Variants in RPH3A observed in about 807,000 individuals in gnomAD.
The protein encoded by RPH3A is rabphilin 3A.
RPH3A carries 48 observed loss-of-function variants against 102.2 expected under a neutral mutation model. That is an observed-to-expected ratio of 0.47 (90% CI 0.37 to 0.60). The LOEUF (loss-of-function observed/expected upper bound fraction) is 0.60. Among genes scored for constraint, RPH3A ranks in the 20% least tolerant of loss-of-function variants. RPH3A has a pLI of 0.00. For synonymous variants in RPH3A, 310 were observed against 324.3 expected (o/e 0.96, Z 0.47); for missense variants, 781 against 910.1 (o/e 0.86, Z 1.83).
At chr12:112,698,821 C>CTCCTGCTTCTCCTTCCCCTTT (rs2040370546) in intron 1 of RPH3A, among the ~76,000 whole-genome samples, 2 of 151,978 alleles carry the variant, frequency 1.3e-5, no homozygotes, top group Non-Finnish European at 2.9e-5. Flanking sequence ...CCTTCTCCTT[C>CTCCTGCTTCTCCTTCCCCTTT]TCCTACTTCT....
At chr12:112,764,136 T>G (rs562702975) in intron 1 of RPH3A, among the ~76,000 whole-genome samples, 88 of 152,316 alleles carry the variant, frequency 5.8e-4, no homozygotes, top group African/African-American at 2.0e-3. Context: ...TTGCTAAAAA[T>G]CACTGGCATG....
chr12:112,861,752 G>A (rs940520806), intron 5 of RPH3A, among the ~76,000 whole-genome samples: 2 of 152,182 alleles, frequency 1.3e-5, no homozygotes, highest in Non-Finnish European at 1.5e-5. Flanking sequence ...AGTGGCTCAC[G>A]CCTGTAATCC....
chr12:112,691,994 TA>T (rs1335252913), intron 1 of RPH3A, among the ~76,000 whole-genome samples: 2 of 152,106 alleles, frequency 1.3e-5, no homozygotes, highest in Non-Finnish European at 2.9e-5. Flanking sequence ...TACTCAGCCA[TA>T]AAAAGGAATG....
At chr12:112,748,544 G>A (rs977943066) in intron 1 of RPH3A, among the ~76,000 whole-genome samples, 5 of 152,080 alleles carry the variant, frequency 3.3e-5, no homozygotes, top group Admixed American at 6.5e-5. Context: ...TATATTGCTC[G>A]GGCTGGTCTT....
chr12:112,757,116 C>T lies in RPH3A; in HGVS notation c.-139-35027C>T, dbSNP rs114636446. On this transcript the variant is annotated intron_variant, in intron 1 of 21. Transcript: ENST00000543106. ...TATTGATTCCCTCAATACATATTTG[C>T]TGAATAGACAAATGAATGAAATAAA... Among the ~76,000 whole-genome samples the T allele has an allele frequency of 4.8e-3, 728 of 152,216 alleles. 6 individuals carry two copies. Among genetic ancestry groups the T allele is most frequent in the African/African-American group, 0.016 (684 of 41,526 alleles).
At chr12:112,837,937 A>C (rs2042081492) in intron 4 of RPH3A, 2 of 417,202 alleles carry the variant, frequency 4.8e-6, no homozygotes, top group South Asian at 3.5e-5. Flanking sequence ...ATTAATAAAC[A>C]CTTACCCCAA....
At position 112,714,139 on chromosome 12, in the gene RPH3A, C is replaced by G. The variant is rs144994517; in HGVS notation, c.-139-78004C>G. ...TAAGATTCTGTCCCAATGTGTCTAT[C>G]CCGTGGGTTCAGAAGGCTGGAGAGG... On this transcript the variant is annotated intron_variant, in intron 1 of 21. Transcript: ENST00000543106. Among the ~76,000 whole-genome samples, 657 of 152,184 alleles carry G rather than the reference C, an allele frequency of 4.3e-3. 5 individuals carry two copies. The highest frequency in any genetic ancestry group is 0.024 in the Middle Eastern group (7 of 294).
chr12:112,869,372 C>T, intron 8 of RPH3A: 1 of 186,496 alleles, frequency 5.4e-6, no homozygotes, highest in Non-Finnish European at 1.1e-5. Flanking sequence ...AGGCATTCAA[C>T]AAATGTTTTC....
At chr12:112,620,140 T>C (rs2039712181) in intron 1 of RPH3A, among the ~76,000 whole-genome samples, 1 of 152,226 alleles carries the variant, frequency 6.6e-6, no homozygotes. Context: ...TTCAAATCCT[T>C]CTGAAAATAA....
At chr12:112,861,712 G>A (rs1383449542) in intron 5 of RPH3A, among the ~76,000 whole-genome samples, 1 of 152,106 alleles carries the variant, frequency 6.6e-6, no homozygotes. Context: ...TAACTGGGAG[G>A]AGTCATTAAG....
At chr12:112,846,356 C>A (rs1376047923) in intron 4 of RPH3A, among the ~76,000 whole-genome samples, 1 of 152,188 alleles carries the variant, frequency 6.6e-6, no homozygotes, top group South Asian at 2.1e-4. Flanking sequence ...TCCAAGGGCA[C>A]GCGTGGGAAG....
chr12:112,698,214 A>G (rs1169629324), intron 1 of RPH3A, among the ~76,000 whole-genome samples: 1 of 152,242 alleles, frequency 6.6e-6, no homozygotes, highest in Non-Finnish European at 1.5e-5. Context: ...GTGGAAATAA[A>G]TGAACTTCAA....
intron 1 of RPH3A, among the ~76,000 whole-genome samples, chr12:112,701,017 C>T (rs780628242): frequency 2.6e-5 from 4 of 152,202 alleles, no homozygotes; most frequent in Non-Finnish European, 4.4e-5. Context: ...AGCATGGCCC[C>T]ACTCTGAACT....
At chr12:112,753,342 A>G (rs561514125) in intron 1 of RPH3A, among the ~76,000 whole-genome samples, 1 of 152,274 alleles carries the variant, frequency 6.6e-6, no homozygotes, top group Non-Finnish European at 1.5e-5. Flanking sequence ...GCATTCATCA[A>G]AGGAATGCCA....
intron 1 of RPH3A, among the ~76,000 whole-genome samples, chr12:112,667,298 A>T (rs1180468794): frequency 1.3e-5 from 2 of 152,190 alleles, no homozygotes; most frequent in African/African-American, 4.8e-5. Context: ...CCTAGGAATT[A>T]TATATATACT....
chr12:112,619,246 CTGTGTGTGTGTGTGTG>C lies in RPH3A; in HGVS notation c.-140+43965_-140+43980del, dbSNP rs60894997. Among the ~76,000 whole-genome samples the C allele has an allele frequency of 2.0e-3, 256 of 125,448 alleles. 1 individual carries two copies. Among genetic ancestry groups the C allele is most frequent in the African/African-American group, 5.2e-3 (175 of 33,422 alleles). 82.3% of individuals were successfully genotyped at this position (125,448 alleles called of 152,430 possible). The stretch of plus-strand genomic sequence containing the variant: ...GGAATGGAATTGCCTTATGGTAATT[CTGTGTGTGTGTGTGTG>C]TGTGTGTGTGTGTGTGTGTGTGTGT... On this transcript the variant is annotated intron_variant, in intron 1 of 21. Transcript: ENST00000543106.
intron 1 of RPH3A, among the ~76,000 whole-genome samples, chr12:112,690,345 C>T (rs2040297352): frequency 6.6e-6 from 1 of 152,196 alleles, no homozygotes; most frequent in South Asian, 2.1e-4. Flanking sequence ...TCAGCCACCC[C>T]TTTTGTCCCA....
At chr12:112,877,705 T>TC (rs2042833095) in intron 13 of RPH3A, among the ~76,000 whole-genome samples, 1 of 151,788 alleles carries the variant, frequency 6.6e-6, no homozygotes, top group Non-Finnish European at 1.5e-5. Context: ...CAGCACCACC[T>TC]CCCCCACAGG....
chr12:112,705,467 C>A (rs2040421869), intron 1 of RPH3A, among the ~76,000 whole-genome samples: 1 of 152,098 alleles, frequency 6.6e-6, no homozygotes, highest in Non-Finnish European at 1.5e-5. Context: ...ATAATTTGTG[C>A]AAGGAGGTTT....
Sources: gnomAD v4.1 joint callset for allele counts (sites outside exome capture counted in the v4.1 genomes callset) on GRCh38, gnomAD v4.1.1 for gene constraint, MANE v1.5 for transcripts, NCBI Gene and HGNC (gene_info 2026-07-23, HGNC 2026-07-21) for gene names.